The following DTWD2 variants were observed in gnomAD, a reference collection of about 807,000 sequenced individuals.
DTWD2 encodes the protein DTW motif tRNA-uridine aminocarboxypropyltransferase 2, also known as tRNA-uridine aminocarboxypropyltransferase 2.
DTWD2 carries 39 observed loss-of-function variants against 31.8 expected under a neutral mutation model. That is an observed-to-expected ratio of 1.22 (90% CI 0.95 to 1.60). The LOEUF is 1.60. Among genes scored for constraint, DTWD2 ranks in the 40% most tolerant of loss-of-function variants. DTWD2 has a pLI of 0.00. For synonymous variants in DTWD2, 180 were observed against 142.8 expected (o/e 1.26, Z -1.86); for missense variants, 515 against 381.5 (o/e 1.35, Z -2.92).
Position 118,961,273 on chromosome 5 carries a change from ATTAC to A in DTWD2, c.219-16628_219-16625del, listed in dbSNP as rs905669946. Reference sequence around the variant, plus strand: ...TAATCATCTCACGTTCAGTTAACCTATTACTTACTTCCTTTCTTTTTATAGAAAT... The same window carrying A: ...TAATCATCTCACGTTCAGTTAACCTATTACTTCCTTTCTTTTTATAGAAAT... On this transcript the variant is annotated intron_variant, in intron 1 of 5. Transcript: ENST00000510708. 5.3e-5 allele frequency among the ~76,000 whole-genome samples: 8 copies of A among 152,196 alleles called. No homozygotes were observed. In the East Asian group the frequency reaches 5.8e-4, roughly 11 times the overall value.
intron 1 of DTWD2, chr5:118,973,654 CG>C: frequency 1.2e-6 from 1 of 813,768 alleles, no homozygotes; most frequent in South Asian, 1.5e-5. Context: ...CCTCCTTGCT[CG>C]CGGCAGCCTC....
intron 4 of DTWD2, among the ~76,000 whole-genome samples, chr5:118,876,647 T>C (rs529250613): frequency 1.3e-5 from 2 of 152,286 alleles, no homozygotes; most frequent in South Asian, 4.1e-4. Flanking sequence ...AATGGATACA[T>C]TCCTGGACAC....
chr5:118,876,085 T>C (rs1752615808), intron 4 of DTWD2, among the ~76,000 whole-genome samples: 1 of 152,038 alleles, frequency 6.6e-6, no homozygotes. Context: ...GGAAATTAAA[T>C]AACCTGCTCC....
intron 4 of DTWD2, among the ~76,000 whole-genome samples, chr5:118,918,828 GAAA>G (rs77545480): frequency 2.4e-5 from 3 of 124,710 alleles, no homozygotes; most frequent in Non-Finnish European, 3.5e-5. Flanking sequence ...TCTCTACCAG[GAAA>G]AAAAAAAAAA....
chr5:118,842,101 G>C (rs879863965), intron 5 of DTWD2, among the ~76,000 whole-genome samples: 2 of 151,604 alleles, frequency 1.3e-5, no homozygotes, highest in East Asian at 1.9e-4. Context: ...CCAGCATTTT[G>C]GGAGGCTGAT....
chr5:118,903,481 G>A (rs1261302032), intron 4 of DTWD2, among the ~76,000 whole-genome samples: 4 of 151,910 alleles, frequency 2.6e-5, no homozygotes, highest in Non-Finnish European at 5.9e-5. Flanking sequence ...GTGTTAAAGG[G>A]TTGAAAATAT....
chr5:118,879,312 A>G (rs1398186908), intron 4 of DTWD2, among the ~76,000 whole-genome samples: 1 of 152,200 alleles, frequency 6.6e-6, no homozygotes, highest in Non-Finnish European at 1.5e-5. Flanking sequence ...CAGCCATTAA[A>G]AAGAACAAGA....
At chr5:118,871,564 AC>A (rs779236859) in intron 4 of DTWD2, among the ~76,000 whole-genome samples, 5 of 152,228 alleles carry the variant, frequency 3.3e-5, no homozygotes, top group Non-Finnish European at 7.3e-5. Flanking sequence ...TCTCCTTTAT[AC>A]ATCTTCATCA....
intron 4 of DTWD2, among the ~76,000 whole-genome samples, chr5:118,891,491 C>G (rs1466365154): frequency 1.3e-5 from 2 of 152,198 alleles, no homozygotes; most frequent in Admixed American, 1.3e-4. Flanking sequence ...GTAAGAAAGT[C>G]TACAAGGCAT....
At position 118,937,693 on chromosome 5, in the gene DTWD2, A is replaced by G. The variant is rs538304162; in HGVS notation, c.404+1503T>C. Among the ~76,000 whole-genome samples, 5 of 152,316 alleles carry G rather than the reference A, an allele frequency of 3.3e-5. No individual in the cohort carries two copies. In the South Asian group the frequency reaches 8.3e-4, roughly 25 times the overall value. ...ACTAGCCAGTCTACAACCCACAGGG[A>G]AATCCCAAGGGATAATCCCCACAGA... On this transcript the variant is annotated intron_variant, in intron 3 of 5. Transcript: ENST00000510708.
intron 1 of DTWD2, among the ~76,000 whole-genome samples, chr5:118,966,598 A>G (rs1239582626): frequency 6.6e-6 from 1 of 152,222 alleles, no homozygotes; most frequent in Non-Finnish European, 1.5e-5. Context: ...AGTACATTAC[A>G]TAAGGCAAAG....
chr5:118,900,264 C>T (rs989563155), intron 4 of DTWD2, among the ~76,000 whole-genome samples: 13 of 152,160 alleles, frequency 8.5e-5, no homozygotes, highest in South Asian at 4.1e-4. Context: ...GGGGTTATTA[C>T]AGACAGTGTT....
At chr5:118,949,123 C>T (rs1430866337) in intron 1 of DTWD2, among the ~76,000 whole-genome samples, 1 of 151,960 alleles carries the variant, frequency 6.6e-6, no homozygotes, top group East Asian at 1.9e-4. Context: ...AGAAGGGTGT[C>T]CTTTTGGGAA....
intron 5 of DTWD2, among the ~76,000 whole-genome samples, chr5:118,841,631 T>C (rs1751716978): frequency 6.6e-6 from 1 of 152,172 alleles, no homozygotes; most frequent in Non-Finnish European, 1.5e-5. Flanking sequence ...TAACAATATC[T>C]GAACTGTCTA....
chr5:118,857,613 A>G (rs1752168360), intron 4 of DTWD2, among the ~76,000 whole-genome samples: 1 of 152,154 alleles, frequency 6.6e-6, no homozygotes, highest in Non-Finnish European at 1.5e-5. Flanking sequence ...ACTAGAAGTT[A>G]TTGATTTTAA....
At chr5:118,985,513 T>TACATAC (rs1388704157) in intron 1 of DTWD2, among the ~76,000 whole-genome samples, 1 of 129,372 alleles carries the variant, frequency 7.7e-6, no homozygotes, top group Non-Finnish European at 1.6e-5. Context: ...TATATATATA[T>TACATAC]ATATACACAC....
chr5:118,894,874 C>T (rs1580791954), intron 4 of DTWD2, among the ~76,000 whole-genome samples: 1 of 152,066 alleles, frequency 6.6e-6, no homozygotes, highest in African/African-American at 2.4e-5. Flanking sequence ...ATCATAAGGG[C>T]CATATATCAC....
chr5:118,883,104 A>G (rs1752779061), intron 4 of DTWD2, among the ~76,000 whole-genome samples: 1 of 152,190 alleles, frequency 6.6e-6, no homozygotes, highest in Non-Finnish European at 1.5e-5. Flanking sequence ...CTGCTTAGAA[A>G]TTTGTTCTGC....
chr5:118,948,219 T>A (rs948236456), intron 1 of DTWD2, among the ~76,000 whole-genome samples: 14 of 152,148 alleles, frequency 9.2e-5, no homozygotes, highest in African/African-American at 3.1e-4. Flanking sequence ...CTCACGCCTG[T>A]AATCCCAGCA....
Sources: allele counts gnomAD v4.1 joint callset (sites outside exome capture counted in the v4.1 genomes callset), GRCh38; gene constraint gnomAD v4.1.1; transcripts MANE v1.5; gene names NCBI Gene and HGNC (gene_info 2026-07-23, HGNC 2026-07-21).